KMT2C: variants seen among roughly 807,000 people sequenced by gnomAD.
KMT2C encodes the protein histone-lysine N-methyltransferase 2C.
Under a neutral mutation model 507.9 loss-of-function variants are expected in KMT2C, and 88 were observed. That is an observed-to-expected ratio of 0.17 (90% CI 0.15 to 0.21). The LOEUF (loss-of-function observed/expected upper bound fraction) is 0.21, where lower values mean the gene tolerates loss of function less well. Among genes scored for constraint, KMT2C ranks in the 10% least tolerant of loss-of-function variants. The pLI is 1.00. For synonymous variants in KMT2C, 2,049 were observed against 2,080.8 expected (o/e 0.98, Z 0.42); for missense variants, 4,954 against 5,957.8 (o/e 0.83, Z 5.55).
Position 152,214,279 on chromosome 7 carries a change from G to A in KMT2C, c.3712+6244C>T, listed in dbSNP as rs534450646. Among the ~76,000 whole-genome samples the A allele has an allele frequency of 7.9e-5, 12 of 152,078 alleles. No individual in the cohort carries two copies. In the South Asian group the frequency reaches 2.1e-3, roughly 26 times the overall value. ...ACATCTGCACTCCCATATTCATGGC[G>A]ACATTACTCCCAATAGCCAAGATAT... On this transcript the variant is annotated intron_variant, in intron 23 of 58. Transcript: ENST00000262189.
intron 1 of KMT2C, among the ~76,000 whole-genome samples, chr7:152,409,881 C>T (rs62494140): frequency 2.8e-3 from 313 of 112,178 alleles, no homozygotes; most frequent in South Asian, 4.3e-3. Context: ...ATGCTATACC[C>T]GAATCACAGT....
intron 23 of KMT2C, among the ~76,000 whole-genome samples, chr7:152,217,022 A>G (rs959684745): frequency 2.6e-5 from 4 of 152,222 alleles, no homozygotes; most frequent in Non-Finnish European, 5.9e-5. Flanking sequence ...CTAGCATCAA[A>G]GAAGTTAAAA....
chr7:152,187,915 C>T, intron 31 of KMT2C, 68 bp from the exon 32 acceptor site: 1 of 1,493,790 alleles, frequency 6.7e-7, no homozygotes, highest in Admixed American at 1.8e-5. Flanking sequence ...GTAAAGCTGG[C>T]CCTTGAACAA....
chr7:152,153,626 C>T (rs1241302086), intron 48 of KMT2C, among the ~76,000 whole-genome samples: 1 of 151,324 alleles, frequency 6.6e-6, no homozygotes, highest in South Asian at 2.1e-4. Flanking sequence ...ACTGAGGAGG[C>T]TAAAGCAGAA....
chr7:152,166,812 G>C (rs533246859), intron 42 of KMT2C, among the ~76,000 whole-genome samples: 1 of 152,228 alleles, frequency 6.6e-6, no homozygotes, highest in South Asian at 2.1e-4. Flanking sequence ...ACAGAAACAT[G>C]GTCTTTGCAG....
chr7:152,367,001 T>C lies in KMT2C; in HGVS notation c.162-8326A>G, dbSNP rs112219318. The C allele has an allele frequency of 2.4e-5, 14 of 574,484 alleles. No homozygotes were observed. The African/African-American group carries it at 2.7e-4, about 11-fold the overall frequency. 35.6% of individuals were successfully genotyped at this position (574,484 alleles called of 1,614,324 possible). ...GCCAGTTGCAGCCCCGGCCGCACCC[T>C]TGCCTCACCTGAGCCTGGGCTCTTG... On this transcript the variant is annotated intron_variant, in intron 1 of 58. Transcript: ENST00000262189.
intron 36 of KMT2C, among the ~76,000 whole-genome samples, 191 bp from the exon 37 acceptor site, chr7:152,180,317 G>C (rs894637306): frequency 6.6e-6 from 1 of 152,160 alleles, no homozygotes; most frequent in Non-Finnish European, 1.5e-5. Context: ...CACCGTGCCT[G>C]ACAGGTTAGT....
In KMT2C at chr7:152,178,015, T is replaced by TTTTAAAAAAAAAA. The variant is rs1491309235; in HGVS notation, c.7443-6_7443-5insTTTTTTTTTTAAA. The TTTTAAAAAAAAAA allele has an allele frequency of 2.5e-6, 2 of 811,072 alleles. No individual in the cohort carries two copies. Among genetic ancestry groups the TTTTAAAAAAAAAA allele is most frequent in the African/African-American group, 6.2e-5 (2 of 32,446 alleles). The allele number at this position is 811,072 out of a possible 1,614,324, so 50.2% of individuals were successfully genotyped here. ...CTACCTCCTGGAAATCCAAATCTTT[T>TTTTAAAAAAAAAA]AAAAAAAAAAAAAAAAAAAAAAAAA... is the stretch of plus-strand genomic sequence containing the variant. On this transcript the variant is annotated splice_polypyrimidine_tract_variant and splice_region_variant and intron_variant, in intron 37 of 58. Transcript: ENST00000262189.
At chr7:152,210,033 TG>T (rs1203914998) in intron 23 of KMT2C, among the ~76,000 whole-genome samples, 2 of 152,118 alleles carry the variant, frequency 1.3e-5, no homozygotes, top group Admixed American at 6.5e-5. Context: ...TGACCTTAAA[TG>T]GAACAATGGG....
chr7:152,366,840 G>A (rs2097250369), intron 1 of KMT2C: 2 of 267,840 alleles, frequency 7.5e-6, no homozygotes, highest in African/African-American at 4.6e-5. Flanking sequence ...AGCTATGGAG[G>A]AGCTTTACAA....
intron 1 of KMT2C, among the ~76,000 whole-genome samples, chr7:152,421,902 GA>G (rs1202950201): frequency 1.3e-5 from 2 of 150,904 alleles, no homozygotes; most frequent in Non-Finnish European, 3.0e-5. Context: ...AAGCTGGAAG[GA>G]AAAAAAACAA....
At chr7:152,408,766 T>C (rs986008596) in intron 1 of KMT2C, among the ~76,000 whole-genome samples, 5 of 149,548 alleles carry the variant, frequency 3.3e-5, no homozygotes, top group African/African-American at 1.2e-4. Context: ...AACTAGTCCC[T>C]GGTGCCAAAA....
intron 6 of KMT2C, among the ~76,000 whole-genome samples, chr7:152,291,224 T>C (rs2096421010): frequency 6.6e-6 from 1 of 152,200 alleles, no homozygotes. Flanking sequence ...AAAACTGCAA[T>C]AAAACTTTAC....
chr7:152,299,934 A>C lies in KMT2C; in HGVS notation c.849+10032T>G, dbSNP rs2096551873. 2.0e-5 allele frequency among the ~76,000 whole-genome samples: 3 copies of C among 152,166 alleles called. No individual in the cohort carries two copies. In the South Asian group the frequency reaches 6.2e-4, roughly 32 times the overall value. ...CTTACGCTAGTCAAGAGAAAGCTAG[A>C]GTAGAAATACTAATATGAGGCAAAG... is the stretch of plus-strand genomic sequence containing the variant. On this transcript the variant is annotated intron_variant, in intron 6 of 58. Coordinates refer to ENST00000262189, the MANE Select transcript of KMT2C (RefSeq NM_170606.3).
chr7:152,294,467 A>T (rs1399593581), intron 6 of KMT2C, among the ~76,000 whole-genome samples: 1 of 152,206 alleles, frequency 6.6e-6, no homozygotes, highest in Non-Finnish European at 1.5e-5. Context: ...GCTTCCCATT[A>T]AAAATAATAA....
At chr7:152,357,439 G>A (rs955407428) in intron 2 of KMT2C, among the ~76,000 whole-genome samples, 6 of 152,058 alleles carry the variant, frequency 3.9e-5, no homozygotes, top group African/African-American at 1.4e-4. Flanking sequence ...CAGGAGAATG[G>A]CATGAACCTG....
chr7:152,363,190 T>C (rs542365824), intron 1 of KMT2C, among the ~76,000 whole-genome samples: 3 of 152,352 alleles, frequency 2.0e-5, no homozygotes, highest in South Asian at 2.1e-4. Flanking sequence ...TAAGGAAAGT[T>C]TGAAGTCTAA....
chr7:152,294,027 T>G (rs1010308816), intron 6 of KMT2C, among the ~76,000 whole-genome samples: 2 of 151,414 alleles, frequency 1.3e-5, no homozygotes, highest in Non-Finnish European at 2.9e-5. Context: ...CCTGCCTTTT[T>G]TTTTTTTTTT....
intron 44 of KMT2C, among the ~76,000 whole-genome samples, chr7:152,158,418 T>C (rs546028472): frequency 1.3e-5 from 2 of 152,282 alleles, no homozygotes; most frequent in East Asian, 3.9e-4. Context: ...CAGATGCCAA[T>C]AGGATACGGT....
Sources: gnomAD v4.1 joint callset for allele counts (sites outside exome capture counted in the v4.1 genomes callset) on GRCh38, gnomAD v4.1.1 for gene constraint, MANE v1.5 for transcripts, NCBI Gene and HGNC (gene_info 2026-07-23, HGNC 2026-07-21) for gene names.